Variants in MAX observed in about 807,000 individuals in gnomAD.
MAX encodes protein max.
MAX carries 3 observed loss-of-function variants against 22.3 expected under a neutral mutation model. That is an observed-to-expected ratio of 0.13 (90% CI 0.06 to 0.35). MAX has a LOEUF of 0.35. Ranked by LOEUF, MAX falls within the 10% of genes least tolerant of loss-of-function variation. MAX has a pLI of 1.00. For missense variants in MAX, 119 were observed against 209.4 expected (o/e 0.57, Z 2.66); for synonymous variants, 72 against 77.7 (o/e 0.93, Z 0.39).
chr14:65,036,467 G>A (rs899182604), intron 3 of MAX, among the ~76,000 whole-genome samples: 20 of 151,610 alleles, frequency 1.3e-4, no homozygotes, highest in Admixed American at 1.2e-3. Context: ...AAACCCCTGA[G>A]CTTAAGCAAT....
chr14:65,023,615 A>T lies in MAX; in HGVS notation c.172-17331T>A, dbSNP rs1225088751. 1.3e-5 allele frequency among the ~76,000 whole-genome samples: 2 copies of T among 152,230 alleles called. No individual in the cohort carries two copies. The highest frequency in any genetic ancestry group is 4.8e-5 in the African/African-American group (2 of 41,472). ...GTGTTCTATATTGGCCACTAGCCAC[A>T]GTTAGTTGTGGAGTACTTGAAATGT... On this transcript the variant is annotated intron_variant, in intron 3 of 3. Coordinates refer to the MAX transcript ENST00000341653. The surrounding 1 kb of genome is among the most constrained non-coding windows in gnomAD (Gnocchi z 4.1).
intron 3 of MAX, chr14:65,022,051 G>A (rs755134553): frequency 2.2e-6 from 1 of 456,058 alleles, no homozygotes; most frequent in South Asian, 1.5e-5. Flanking sequence ...TCTGTGAGCA[G>A]CAGAGGCCAC....
chr14:65,006,258 T>TG lies in MAX; in HGVS notation c.197dup (p.Pro67ThrfsTer6). The TG allele has an allele frequency of 2.5e-6, 4 of 1,609,220 alleles. No homozygotes were observed. The highest frequency in any genetic ancestry group is 3.4e-6 in the Non-Finnish European group (4 of 1,179,090). ...GCAAGTGTTCATAAGGAAAGACAGGTGGGAGGGTTAACTTCATCTTTGTTC... is the reference window on the plus strand; with the variant it reads ...GCAAGTGTTCATAAGGAAAGACAGGTGGGGAGGGTTAACTTCATCTTTGTTC... On this transcript the variant is annotated frameshift_variant, in exon 4 of 4. Transcript: ENST00000341653. LOFTEE classifies it low-confidence loss of function (END_TRUNC).
In MAX at chr14:65,075,668, C is replaced by T. The variant is rs2063039078; in HGVS notation, c.*808G>A. 1 of 1,066,340 alleles carries T rather than the reference C, an allele frequency of 9.4e-7. No individual in the cohort carries two copies. The highest frequency in any genetic ancestry group is 1.6e-5 in the African/African-American group (1 of 61,084). 66.1% of individuals were successfully genotyped at this position (1,066,340 alleles called of 1,614,324 possible). ...TAAATATCAAAACATCATCACTGGCCCTCAATACAAAACCTCTATGCCACC... is the reference window on the plus strand; with the variant it reads ...TAAATATCAAAACATCATCACTGGCTCTCAATACAAAACCTCTATGCCACC... On this transcript the variant is annotated 3_prime_UTR_variant, in exon 5 of 5. Transcript: ENST00000358664. This position sits in a 1 kb window ranked among gnomAD's most constrained non-coding sequence, Gnocchi z 4.1.
At chr14:65,052,894 T>G (rs1390896295) in intron 3 of MAX, among the ~76,000 whole-genome samples, 1 of 152,166 alleles carries the variant, frequency 6.6e-6, no homozygotes, top group Non-Finnish European at 1.5e-5. Context: ...ATGGACCAAG[T>G]TGGGAGCAGC....
Position 65,044,528 on chromosome 14 carries a change from A to G in MAX, c.172-38244T>C. Reference sequence around the variant, plus strand: ...CTGGAAGCCCAGCGTGCTTTTTTAGAGGGGTTGAAATGAGCTCTGTCTATC... The same window carrying G: ...CTGGAAGCCCAGCGTGCTTTTTTAGGGGGGTTGAAATGAGCTCTGTCTATC... On this transcript the variant is annotated intron_variant, in intron 3 of 3. Transcript: ENST00000341653. This position sits in a 1 kb window ranked among gnomAD's most constrained non-coding sequence, Gnocchi z 5.5. 6.5e-7 allele frequency: 1 copy of G among 1,533,486 alleles called. No individual in the cohort carries two copies. The allele number at this position is 1,533,486 out of a possible 1,614,324, so 95.0% of individuals were successfully genotyped here.
intron 3 of MAX, among the ~76,000 whole-genome samples, chr14:65,060,651 C>T (rs1282727833): frequency 1.0e-5 from 1 of 99,000 alleles, no homozygotes; most frequent in Admixed American, 8.6e-5. Flanking sequence ...AGCCGAGATC[C>T]CGCCACTGCA....
chr14:65,015,612 G>A (rs1566870907), intron 3 of MAX: 6 of 1,613,752 alleles, frequency 3.7e-6, no homozygotes, highest in Non-Finnish European at 5.1e-6. Context: ...TTTCTCTCCT[G>A]TCTCTCTCCC....
Position 65,032,920 on chromosome 14 carries a change from T to C in MAX, c.172-26636A>G, listed in dbSNP as rs1005773084. ...TTAGATTGGCAAAGATAAAAAACTT[T>C]GGTAAACAATATTAGTGAGAGCCTG... On this transcript the variant is annotated intron_variant, in intron 3 of 3. Transcript: ENST00000341653. The surrounding 1 kb of genome is among the most constrained non-coding windows in gnomAD (Gnocchi z 5.0). Among the ~76,000 whole-genome samples, 6 of 152,250 alleles carry C rather than the reference T, an allele frequency of 3.9e-5. No homozygotes were observed. Among genetic ancestry groups the C allele is most frequent in the Non-Finnish European group, 7.3e-5 (5 of 68,048 alleles).
Position 65,093,062 on chromosome 14 carries a change from A to G in MAX, c.171+646T>C, listed in dbSNP as rs751031154. 2.6e-5 allele frequency among the ~76,000 whole-genome samples: 4 copies of G among 152,240 alleles called. No homozygotes were observed. The highest frequency in any genetic ancestry group is 4.4e-5 in the Non-Finnish European group (3 of 68,036). Reference sequence around the variant, plus strand: ...TCAAAGCTTCTAATTTTGTTTTTCAAATGTAGAAACAGCTGGTGCCTAGCC... The same window carrying G: ...TCAAAGCTTCTAATTTTGTTTTTCAGATGTAGAAACAGCTGGTGCCTAGCC... On this transcript the variant is annotated intron_variant, in intron 3 of 4. Transcript: ENST00000358664. This position sits in a 1 kb window ranked among gnomAD's most constrained non-coding sequence, Gnocchi z 4.4.
chr14:65,072,310 A>G (rs1424695737), downstream of MAX, among the ~76,000 whole-genome samples: 2 of 152,186 alleles, frequency 1.3e-5, no homozygotes, highest in Non-Finnish European at 2.9e-5. Flanking sequence ...GGCAGCCCTC[A>G]GCTTTCTTCC....
chr14:65,011,670 C>T lies in MAX; in HGVS notation c.172-5386G>A, dbSNP rs539743218. Among the ~76,000 whole-genome samples, 4 of 152,190 alleles carry T rather than the reference C, an allele frequency of 2.6e-5. No homozygotes were observed. Among genetic ancestry groups the T allele is most frequent in the African/African-American group, 4.8e-5 (2 of 41,450 alleles). ...AGAAGTGCAGCCTCTGTGCTTTGCC[C>T]GGCCTGTGCAGGTGGCCATGGGCGG... is the stretch of plus-strand genomic sequence containing the variant. On this transcript the variant is annotated intron_variant, in intron 3 of 3. Coordinates refer to the MAX transcript ENST00000341653. The surrounding 1 kb of genome is among the most constrained non-coding windows in gnomAD (Gnocchi z 4.0).
At chr14:65,043,290 A>C (rs940884361) in intron 3 of MAX, among the ~76,000 whole-genome samples, 1 of 152,244 alleles carries the variant, frequency 6.6e-6, no homozygotes, top group Non-Finnish European at 1.5e-5. Context: ...AAACTTGTAG[A>C]TAAGCAAGGA....
Position 65,033,972 on chromosome 14 carries a change from CATATAA to C in MAX, c.172-27694_172-27689del, listed in dbSNP as rs2062139835. 2.0e-5 allele frequency among the ~76,000 whole-genome samples: 3 copies of C among 152,068 alleles called. No individual in the cohort carries two copies. The South Asian group carries it at 6.2e-4, about 32-fold the overall frequency. On this transcript the variant is annotated intron_variant, in intron 3 of 3. Coordinates refer to the MAX transcript ENST00000341653. ...TTTTTATCAAAGTAGTATGTATTAC[CATATAA>C]ATATAATTTACAGTGATACCAGATG...
At chr14:65,085,529 GAC>G (rs760863650) in intron 3 of MAX, among the ~76,000 whole-genome samples, 88 of 152,304 alleles carry the variant, frequency 5.8e-4, no homozygotes, top group Non-Finnish European at 1.1e-3. Context: ...CATTCTGTAT[GAC>G]AGTCTCCCAG....
At position 65,077,153 on chromosome 14, in the gene MAX, A is replaced by G; in HGVS notation, c.296-490T>C. The G allele has an allele frequency of 1.6e-6, 1 of 613,518 alleles. No individual in the cohort carries two copies. Among genetic ancestry groups the G allele is most frequent in the South Asian group, 2.0e-5 (1 of 49,406 alleles). 38.0% of individuals were successfully genotyped at this position (613,518 alleles called of 1,614,324 possible). A position where few individuals can be genotyped will look rare whatever the true frequency, so the allele number is the denominator to read the frequency against. ...CAAGCTGGACACTTGGAAGCAAGTC[A>G]CCAATACACATAAAATACCTGGGCT... On this transcript the variant is annotated intron_variant, in intron 4 of 4. Coordinates refer to ENST00000358664, the MANE Select transcript of MAX (RefSeq NM_002382.5). This position sits in a 1 kb window ranked among gnomAD's most constrained non-coding sequence, Gnocchi z 6.3.
chr14:65,048,866 C>G (rs906929184), intron 3 of MAX, among the ~76,000 whole-genome samples: 26 of 152,060 alleles, frequency 1.7e-4, no homozygotes, highest in African/African-American at 5.8e-4. Context: ...AACACAAAAG[C>G]CTGTAATCCC....
chr14:65,099,089 AAAAATAT>A (rs553250634), intron 2 of MAX, among the ~76,000 whole-genome samples: 20 of 152,262 alleles, frequency 1.3e-4, no homozygotes, highest in Non-Finnish European at 2.4e-4. Context: ...TTAAATTTTA[AAAAATAT>A]ATTTATTATC....
chr14:65,055,523 A>G (rs2062714872), intron 3 of MAX, among the ~76,000 whole-genome samples: 1 of 150,646 alleles, frequency 6.6e-6, no homozygotes, highest in Admixed American at 6.6e-5. Context: ...TTAATTTTTA[A>G]TTTTTTTTTG....
Sources: gnomAD v4.1 joint callset for allele counts (sites outside exome capture counted in the v4.1 genomes callset) on GRCh38, gnomAD v4.1.1 for gene constraint, Gnocchi (gnomAD v3.1) non-coding constraint, MANE v1.5 for transcripts, NCBI Gene and HGNC (gene_info 2026-07-23, HGNC 2026-07-21) for gene names.